Variants in DCAF6 observed in about 807,000 individuals in gnomAD.
The protein encoded by DCAF6 is DDB1 and CUL4 associated factor 6.
Under a neutral mutation model 125.1 loss-of-function variants are expected in DCAF6, and 54 were observed. That is an observed-to-expected ratio of 0.43 (90% CI 0.35 to 0.54). DCAF6 has a LOEUF of 0.54. DCAF6 is among the 20% of genes least tolerant of loss of function. The pLI is 0.01. For synonymous variants in DCAF6, 371 were observed against 390.4 expected, an observed-to-expected ratio of 0.95 and a Z score of 0.58; for missense variants, 934 against 1,161.7, an observed-to-expected ratio of 0.80 and a Z score of 2.85.
intron 7 of DCAF6, among the ~76,000 whole-genome samples, chr1:167,999,661 C>G (rs1682299904): frequency 6.6e-6 from 1 of 152,182 alleles, no homozygotes; most frequent in Non-Finnish European, 1.5e-5. Context: ...ACTGCATGAA[C>G]CAACCTCTGT....
intron 1 of DCAF6, among the ~76,000 whole-genome samples, chr1:167,946,277 A>G (rs1274647256): frequency 1.3e-5 from 2 of 152,028 alleles, no homozygotes; most frequent in East Asian, 3.9e-4. Context: ...TTTTGTGGGG[A>G]GTCTTTAGGT....
intron 11 of DCAF6, among the ~76,000 whole-genome samples, chr1:168,017,993 A>G (rs1052528241): frequency 4.6e-5 from 7 of 152,216 alleles, no homozygotes; most frequent in Non-Finnish European, 8.8e-5. Context: ...TTTGGAAACC[A>G]AGAAATTTTA....
intron 2 of DCAF6, among the ~76,000 whole-genome samples, chr1:167,955,683 C>A (rs774958943): frequency 2.0e-5 from 3 of 151,488 alleles, no homozygotes; most frequent in Non-Finnish European, 2.9e-5. Context: ...CCTTTTATTT[C>A]GTTTTCTTGA....
chr1:167,979,426 G>A (rs1199587789), intron 4 of DCAF6, among the ~76,000 whole-genome samples: 2 of 151,730 alleles, frequency 1.3e-5, no homozygotes, highest in East Asian at 3.9e-4. Flanking sequence ...CTGTTTCTAA[G>A]AATTTGACTA....
At chr1:168,068,573 G>A (rs1008533131) in intron 21 of DCAF6, 110 bp downstream of exon 21, 7 of 503,064 alleles carry the variant, frequency 1.4e-5, no homozygotes, top group African/African-American at 4.0e-5. Context: ...CACAAAATGA[G>A]GGTAGCTTAA....
At chr1:168,024,211 C>T (rs1232475337) in intron 12 of DCAF6, among the ~76,000 whole-genome samples, 2 of 143,600 alleles carry the variant, frequency 1.4e-5, no homozygotes, top group African/African-American at 5.3e-5. Flanking sequence ...AGTGAGACCC[C>T]CATCTCTTTA....
the DCAF6 span, chr1:167,893,810 T>G: frequency 7.4e-7 from 1 of 1,354,406 alleles, no homozygotes; most frequent in Non-Finnish European, 1.1e-6. Context: ...GCTGTCCAGA[T>G]CCCTGACATC....
At chr1:167,992,252 T>TACACACACACACACACACACACACAC (rs761598229) in intron 6 of DCAF6, among the ~76,000 whole-genome samples, 6 of 143,190 alleles carry the variant, frequency 4.2e-5, no homozygotes, top group Middle Eastern at 3.7e-3. Context: ...AGGCCAGGAT[T>TACACACACACACACACACACACACAC]ACACACACAC....
intron 13 of DCAF6, among the ~76,000 whole-genome samples, chr1:168,039,587 TATATA>T (rs1342541992): frequency 6.7e-6 from 1 of 148,156 alleles, no homozygotes; most frequent in Non-Finnish European, 1.5e-5. Flanking sequence ...TATTTCTTAA[TATATA>T]ATATAGTTGT....
intron 10 of DCAF6, among the ~76,000 whole-genome samples, chr1:168,008,662 A>C (rs986240662): frequency 5.9e-5 from 9 of 152,168 alleles, no homozygotes; most frequent in Admixed American, 2.0e-4. Context: ...TACAAAAGAA[A>C]AAAAAATCAA....
At chr1:167,874,883 T>C in the DCAF6 span, among the ~76,000 whole-genome samples, 1 of 152,330 alleles carries the variant, frequency 6.6e-6, no homozygotes, top group East Asian at 1.9e-4. Flanking sequence ...AATTATACAA[T>C]GTATGATTCC....
chr1:167,971,607 T>C (rs1453367836), intron 3 of DCAF6, among the ~76,000 whole-genome samples: 1 of 152,192 alleles, frequency 6.6e-6, no homozygotes, highest in Non-Finnish European at 1.5e-5. Flanking sequence ...AGATGCCAAC[T>C]TTGGCCAGCT....
chr1:167,918,594 CTT>C, the DCAF6 span, among the ~76,000 whole-genome samples: 286 of 133,158 alleles, frequency 2.1e-3, 1 homozygote, highest in Middle Eastern at 4.0e-3. Context: ...CTGCCAAAAA[CTT>C]TTTTTTTTTT....
rs1682771416 is a variant in DCAF6, at chr1:168,002,382, A to G, written c.904-100A>G. Reference sequence around the variant, plus strand: ...TGTAGATCTAATTTGCATACTCAAGAAGTAGGGAGATGGAAATAAATAGAC... The same window carrying G: ...TGTAGATCTAATTTGCATACTCAAGGAGTAGGGAGATGGAAATAAATAGAC... On this transcript the variant is annotated intron_variant, in intron 7 of 21. Transcript: ENST00000367840. The G allele has an allele frequency of 8.1e-6, 8 of 991,546 alleles. No individual in the cohort carries two copies. The Admixed American group carries it at 1.3e-4, about 16-fold the overall frequency. The allele number at this position is 991,546 out of a possible 1,614,324, so 61.4% of individuals were successfully genotyped here.
At chr1:167,948,833 G>A (rs781669041) in intron 1 of DCAF6, among the ~76,000 whole-genome samples, 24 of 152,052 alleles carry the variant, frequency 1.6e-4, no homozygotes, top group Non-Finnish European at 2.9e-4. Flanking sequence ...TGTATTTTTA[G>A]TAGAGATGGG....
In DCAF6 at chr1:167,936,896, C is replaced by T; in HGVS notation, c.-16C>T. 1 of 1,583,282 alleles carries T rather than the reference C, an allele frequency of 6.3e-7. No homozygotes were observed. Among genetic ancestry groups the T allele is most frequent in the Non-Finnish European group, 8.6e-7 (1 of 1,165,818 alleles). On this transcript the variant is annotated 5_prime_UTR_variant, in exon 1 of 22. Transcript: ENST00000367840. The stretch of plus-strand genomic sequence containing the variant: ...CCACGCGGTGGTCTCCCCTCCCACC[C>T]GGCTCAGGCAGAGCCATGTCTCGGG...
chr1:167,901,267 C>G, the DCAF6 span, among the ~76,000 whole-genome samples: 1 of 152,066 alleles, frequency 6.6e-6, no homozygotes, highest in African/African-American at 2.4e-5. Flanking sequence ...AGGGGGTGAC[C>G]AGTCTCATGT....
At chr1:168,002,741 G>T (rs436256) in intron 8 of DCAF6, among the ~76,000 whole-genome samples, 166 bp downstream of exon 8, 105,337 of 151,660 alleles carry the variant, frequency 0.69, 37,518 homozygotes, top group African/African-American at 0.86. Flanking sequence ...GTGGAATGGC[G>T]CAGTCACTGG....
chr1:167,879,717 A>G, the DCAF6 span, among the ~76,000 whole-genome samples: 3 of 152,234 alleles, frequency 2.0e-5, no homozygotes, highest in South Asian at 6.2e-4. Context: ...AAATCTGGAG[A>G]TAAGATTTAC....
Sources: gnomAD v4.1 joint callset for allele counts (sites outside exome capture counted in the v4.1 genomes callset) on GRCh38, gnomAD v4.1.1 for gene constraint, MANE v1.5 for transcripts, NCBI Gene and HGNC (gene_info 2026-07-23, HGNC 2026-07-21) for gene names.